The following KCNQ5 variants were observed in gnomAD, a reference collection of about 807,000 sequenced individuals.
KCNQ5 encodes potassium voltage-gated channel subfamily Q member 5, also known as potassium voltage-gated channel subfamily KQT member 5.
KCNQ5 carries 30 observed loss-of-function variants against 98.2 expected under a neutral mutation model. The observed-to-expected ratio is 0.31, with a 90% CI of 0.23 to 0.41. The LOEUF is 0.41. Ranked by LOEUF, KCNQ5 falls within the 10% of genes least tolerant of loss-of-function variation. The pLI is 1.00. For missense variants in KCNQ5, 835 were observed against 1,182.5 expected (o/e 0.71, Z 4.31); for synonymous variants, 458 against 449.4 (o/e 1.02, Z -0.24).
intron 1 of KCNQ5, among the ~76,000 whole-genome samples, chr6:72,967,009 C>T (rs1767652490): frequency 1.3e-5 from 2 of 152,132 alleles, no homozygotes. Context: ...CAGGAATATA[C>T]TCAAGATACA....
chr6:72,982,294 T>C (rs1463359468), intron 1 of KCNQ5, among the ~76,000 whole-genome samples: 1 of 152,170 alleles, frequency 6.6e-6, no homozygotes, highest in Non-Finnish European at 1.5e-5. Context: ...AGTCTAAGTC[T>C]CTTTGTAAGT....
chr6:73,163,101 T>C (rs543680117), intron 10 of KCNQ5, among the ~76,000 whole-genome samples: 1 of 152,276 alleles, frequency 6.6e-6, no homozygotes, highest in South Asian at 2.1e-4. Context: ...AAAATCAAAA[T>C]GTGTCAGACC....
At chr6:73,081,472 G>C (rs1329101607) in intron 5 of KCNQ5, among the ~76,000 whole-genome samples, 1 of 151,958 alleles carries the variant, frequency 6.6e-6, no homozygotes, top group Non-Finnish European at 1.5e-5. Context: ...TTTTTGATCT[G>C]CTTTAGATTT....
intron 6 of KCNQ5, among the ~76,000 whole-genome samples, chr6:73,108,784 T>C (rs1052610688): frequency 1.3e-5 from 2 of 151,774 alleles, no homozygotes; most frequent in Non-Finnish European, 2.9e-5. Flanking sequence ...CCGAGATCGC[T>C]CCACTGCACT....
In KCNQ5 at chr6:73,149,360, C is replaced by G. The variant is rs557735729; in HGVS notation, c.1468+15719C>G. ...TATATGTATACCTGGTTTTAAAGGTCAAGTAATAAAGATTAACACAAAATG... is the reference window on the plus strand; with the variant it reads ...TATATGTATACCTGGTTTTAAAGGTGAAGTAATAAAGATTAACACAAAATG... On this transcript the variant is annotated intron_variant, in intron 10 of 13. Transcript: ENST00000370398. Among the ~76,000 whole-genome samples the G allele has an allele frequency of 6.6e-5, 10 of 152,176 alleles. 1 individual carries two copies. Among genetic ancestry groups the G allele is most frequent in the African/African-American group, 1.4e-4 (6 of 41,502 alleles).
At chr6:73,047,352 T>C (rs1000248034) in intron 3 of KCNQ5, among the ~76,000 whole-genome samples, 7 of 152,258 alleles carry the variant, frequency 4.6e-5, no homozygotes, top group Non-Finnish European at 1.5e-5. Flanking sequence ...CTTACCTGTA[T>C]CAAACTTGCA....
chr6:72,831,808 C>T (rs910111502), intron 1 of KCNQ5, among the ~76,000 whole-genome samples: 5 of 151,412 alleles, frequency 3.3e-5, no homozygotes, highest in African/African-American at 9.7e-5. Context: ...AGCCCTTTTA[C>T]TAGGGTTAAA....
chr6:73,113,142 G>A (rs977609255), intron 7 of KCNQ5, among the ~76,000 whole-genome samples: 2 of 152,088 alleles, frequency 1.3e-5, no homozygotes, highest in Non-Finnish European at 2.9e-5. Context: ...AGAATTCATA[G>A]GCTTTCATCC....
intron 2 of KCNQ5, among the ~76,000 whole-genome samples, chr6:73,011,532 G>C (rs1197039177): frequency 3.9e-5 from 6 of 151,914 alleles, no homozygotes; most frequent in African/African-American, 7.3e-5. Flanking sequence ...GAAAACATAA[G>C]GCAAAAACTT....
At chr6:73,066,274 A>G (rs925424019) in intron 3 of KCNQ5, among the ~76,000 whole-genome samples, 1 of 152,190 alleles carries the variant, frequency 6.6e-6, no homozygotes, top group Non-Finnish European at 1.5e-5. Context: ...GGAACTTCAC[A>G]TTAAGATAGA....
intron 1 of KCNQ5, among the ~76,000 whole-genome samples, chr6:72,802,700 A>G (rs1333912754): frequency 6.6e-6 from 1 of 152,154 alleles, no homozygotes. Context: ...TGTAGTCTGC[A>G]TAGAGGAATC....
intron 3 of KCNQ5, among the ~76,000 whole-genome samples, chr6:73,076,589 T>G (rs979999553): frequency 6.6e-6 from 1 of 152,228 alleles, no homozygotes; most frequent in Non-Finnish European, 1.5e-5. Context: ...TGTCAAACAT[T>G]AAGTATTCAT....
At chr6:73,042,187 A>C in intron 3 of KCNQ5, 125 bp downstream of exon 3, 3 of 1,106,312 alleles carry the variant, frequency 2.7e-6, no homozygotes, top group Non-Finnish European at 4.1e-6. Context: ...TGGACCGGGC[A>C]CTCTTGTGTC....
chr6:72,840,429 T>G (rs1380105602), intron 1 of KCNQ5, among the ~76,000 whole-genome samples: 1 of 152,050 alleles, frequency 6.6e-6, no homozygotes, highest in African/African-American at 2.4e-5. Flanking sequence ...AAACTTGGAG[T>G]CCTCTTTCTC....
At chr6:72,710,420 A>T (rs570453073) in intron 1 of KCNQ5, among the ~76,000 whole-genome samples, 1 of 152,104 alleles carries the variant, frequency 6.6e-6, no homozygotes, top group South Asian at 2.1e-4. Context: ...ACAAAACAAG[A>T]CCCAACTGTA....
chr6:72,707,919 A>G (rs1356124514), intron 1 of KCNQ5, among the ~76,000 whole-genome samples: 1 of 152,136 alleles, frequency 6.6e-6, no homozygotes, highest in African/African-American at 2.4e-5. Context: ...TCCTGGCTTC[A>G]AACAATCCTC....
chr6:72,822,764 C>T (rs1775815212), intron 1 of KCNQ5, among the ~76,000 whole-genome samples: 1 of 152,156 alleles, frequency 6.6e-6, no homozygotes, highest in Non-Finnish European at 1.5e-5. Flanking sequence ...AATGTATTAT[C>T]TTATAGTTCT....
intron 1 of KCNQ5, among the ~76,000 whole-genome samples, chr6:72,935,210 A>G (rs369918763): frequency 1.3e-5 from 2 of 151,532 alleles, no homozygotes; most frequent in East Asian, 3.9e-4. Context: ...AGCTGAGATT[A>G]CAGGTGCCCA....
At position 73,195,562 on chromosome 6, in the gene KCNQ5, A is replaced by G. The variant is rs1765764322; in HGVS notation, c.*148A>G. 1 of 971,258 alleles carries G rather than the reference A, an allele frequency of 1.0e-6. No individual in the cohort carries two copies. The highest frequency in any genetic ancestry group is 1.5e-6 in the Non-Finnish European group (1 of 667,044). 60.2% of individuals were successfully genotyped at this position (971,258 alleles called of 1,614,324 possible). A position where few individuals can be genotyped will look rare whatever the true frequency, so the allele number is the denominator to read the frequency against. ...TATAAGCCCGTTACCTTTTAATTGC[A>G]TGAAAATGCATGTTTAGGGATGGCT... On this transcript the variant is annotated 3_prime_UTR_variant, in exon 14 of 14. Coordinates refer to ENST00000370398, the MANE Select transcript of KCNQ5 (RefSeq NM_019842.4).
Sources: allele counts gnomAD v4.1 joint callset (sites outside exome capture counted in the v4.1 genomes callset), GRCh38; gene constraint gnomAD v4.1.1; transcripts MANE v1.5; gene names NCBI Gene and HGNC (gene_info 2026-07-23, HGNC 2026-07-21).